The following RADIL variants were observed in gnomAD, a reference collection of about 807,000 sequenced individuals.
RADIL encodes ras-associating and dilute domain-containing protein.
Under a neutral mutation model 97.6 loss-of-function variants are expected in RADIL, and 99 were observed. The observed-to-expected ratio is 1.01, with a 90% CI of 0.86 to 1.20. RADIL has a LOEUF of 1.20. Among genes scored for constraint, RADIL ranks in the 50% most tolerant of loss-of-function variants. RADIL has a pLI of 0.00. For synonymous variants in RADIL, 803 were observed against 691.8 expected, an observed-to-expected ratio of 1.16 and a Z score of -2.52; for missense variants, 1,765 against 1,498.9, an observed-to-expected ratio of 1.18 and a Z score of -2.93.
intron 12 of RADIL, among the ~76,000 whole-genome samples, chr7:4,801,054 A>G (rs1334485727): frequency 2.0e-5 from 3 of 152,164 alleles, no homozygotes; most frequent in East Asian, 1.9e-4. Flanking sequence ...CCATGCACAC[A>G]TGTGCAAGCA....
chr7:4,840,853 G>T lies in RADIL; in HGVS notation c.536-4248C>A, dbSNP rs552034451. On this transcript the variant is annotated intron_variant, in intron 2 of 14. Transcript: ENST00000399583. This position sits in a 1 kb window ranked among gnomAD's most constrained non-coding sequence, Gnocchi z 5.6. ...GTGGAGGTGGGCGCCTGTAGTCCCG[G>T]CTACTCGAGAGGCTGAGGCAGGAGA... is the stretch of plus-strand genomic sequence containing the variant. 6.6e-6 allele frequency among the ~76,000 whole-genome samples: 1 copy of T among 152,246 alleles called. No homozygotes were observed. The highest frequency in any genetic ancestry group is 1.9e-4 in the East Asian group (1 of 5,174).
chr7:4,850,514 T>G (rs1009823431), intron 2 of RADIL, among the ~76,000 whole-genome samples: 1 of 152,010 alleles, frequency 6.6e-6, no homozygotes, highest in Non-Finnish European at 1.5e-5. Flanking sequence ...AAGCCCAGAG[T>G]TCTCTCCAGC....
rs56177809 is a variant in RADIL at position 4,847,739 on chromosome 7, C to CAAAAAAAAAAAA, written c.536-11146_536-11135dup. 2.5e-3 allele frequency among the ~76,000 whole-genome samples: 60 copies of CAAAAAAAAAAAA among 23,806 alleles called. 13 individuals are homozygous for CAAAAAAAAAAAA. Among genetic ancestry groups the CAAAAAAAAAAAA allele is most frequent in the Non-Finnish European group, 2.9e-3 (39 of 13,608 alleles). The allele number at this position is 23,806 out of a possible 152,430, so 15.6% of individuals were successfully genotyped here. ...TATGCTACGTGAAAAAAGCTAGATG[C>CAAAAAAAAAAAA]AAAAAAAAAAAAAAAAAAAAAAAAA... On this transcript the variant is annotated intron_variant, in intron 2 of 14. Transcript: ENST00000399583.
chr7:4,825,014 G>A (rs908992909), intron 5 of RADIL, among the ~76,000 whole-genome samples: 2 of 152,182 alleles, frequency 1.3e-5, no homozygotes, highest in Non-Finnish European at 2.9e-5. Context: ...TGTGAGTGGG[G>A]GCCCAGGGAA....
rs1342745849 is a variant in RADIL at position 4,873,902 on chromosome 7, T to G, written c.535+3703A>C. On this transcript the variant is annotated intron_variant, in intron 2 of 14. Coordinates refer to ENST00000399583, the MANE Select transcript of RADIL (RefSeq NM_018059.5). The surrounding 1 kb of genome is among the most constrained non-coding windows in gnomAD (Gnocchi z 4.3). ...GAGGCAGGCTGGCGCCCACGGCTGCTGGAGAAGCTGCTACAGTGAAAAACC... is the reference window on the plus strand; with the variant it reads ...GAGGCAGGCTGGCGCCCACGGCTGCGGGAGAAGCTGCTACAGTGAAAAACC... Among the ~76,000 whole-genome samples the G allele has an allele frequency of 1.3e-5, 2 of 152,222 alleles. No homozygotes were observed. Among genetic ancestry groups the G allele is most frequent in the African/African-American group, 4.8e-5 (2 of 41,466 alleles).
At chr7:4,816,870 G>A (rs1020551854) in intron 7 of RADIL, among the ~76,000 whole-genome samples, 15 of 152,110 alleles carry the variant, frequency 9.9e-5, no homozygotes, top group Admixed American at 6.5e-4. Flanking sequence ...CAGGGGGACC[G>A]GCGGCAGCAC....
In RADIL at chr7:4,840,799, T is replaced by C. The variant is rs1003155976; in HGVS notation, c.536-4194A>G. ...CTGGCCAACATGGTGAAACCCCGTC[T>C]GTACTAAAAATACAAAACTTAGCTG... On this transcript the variant is annotated intron_variant, in intron 2 of 14. Transcript: ENST00000399583. This position sits in a 1 kb window ranked among gnomAD's most constrained non-coding sequence, Gnocchi z 5.6. Among the ~76,000 whole-genome samples, 7 of 152,174 alleles carry C rather than the reference T, an allele frequency of 4.6e-5. No homozygotes were observed. The highest frequency in any genetic ancestry group is 1.3e-4 in the Admixed American group (2 of 15,270).
rs1011622099 is a variant in RADIL, at chr7:4,842,365, T to A, written c.536-5760A>T. On this transcript the variant is annotated intron_variant, in intron 2 of 14. Coordinates refer to ENST00000399583, the MANE Select transcript of RADIL (RefSeq NM_018059.5). This position sits in a 1 kb window ranked among gnomAD's most constrained non-coding sequence, Gnocchi z 4.5. ...AGCCGAGCTGCTGAGCACATCCTCA[T>A]CTCCAAGGTGAGAAACTCACTCCTG... 6.6e-6 allele frequency among the ~76,000 whole-genome samples: 1 copy of A among 152,050 alleles called. No individual in the cohort carries two copies.
chr7:4,813,828 A>G lies in RADIL; in HGVS notation c.2139+1450T>C, dbSNP rs1414740867. ...CTCAGTGCTTGCCACAATGTCTATC[A>G]ACTGTTCTTCTGTTTTAGCCCCATC... On this transcript the variant is annotated intron_variant, in intron 9 of 14. Transcript: ENST00000399583. The surrounding 1 kb of genome is among the most constrained non-coding windows in gnomAD (Gnocchi z 5.0). Among the ~76,000 whole-genome samples, 1 of 152,182 alleles carries G rather than the reference A, an allele frequency of 6.6e-6. No individual in the cohort carries two copies. Among genetic ancestry groups the G allele is most frequent in the Non-Finnish European group, 1.5e-5 (1 of 68,046 alleles).
Position 4,801,786 on chromosome 7 carries a change from G to A in RADIL, c.2709C>T (p.Leu903=). Reference sequence around the variant, plus strand: ...GGCCAAGTGGAGTGCTGGGAGGCGTGAGCAAGCAGGACGAGTCCGTGTGCG... The same window carrying A: ...GGCCAAGTGGAGTGCTGGGAGGCGTAAGCAAGCAGGACGAGTCCGTGTGCG... ...GPPHTDSSCL[L]TPPSTPLGPE... Residue 903 remains leucine, a synonymous_variant, in exon 12 of 15, where the codon CTC becomes CTT. Transcript: ENST00000399583. The A allele has an allele frequency of 1.2e-6, 2 of 1,610,196 alleles. No individual in the cohort carries two copies. Among genetic ancestry groups the A allele is most frequent in the Non-Finnish European group, 1.7e-6 (2 of 1,178,986 alleles).
rs1450734134 is a variant in RADIL at position 4,816,354 on chromosome 7, A to T, written c.1840T>A (p.Ser614Thr). 2 of 1,611,946 alleles carry T rather than the reference A, an allele frequency of 1.2e-6. No homozygotes were observed. The highest frequency in any genetic ancestry group is 2.2e-5 in the South Asian group (2 of 90,938). The stretch of plus-strand genomic sequence containing the variant: ...AGGTCCAGGGCTGCCTGGTACACAG[A>T]CACCACGCGGCGCAGCTCCTCGGGC... ...ELPEELRRVV[S>T]VYQAALDLLR... Residue 614 changes from serine to threonine, a missense_variant, in exon 8 of 15, where the codon TCT (serine) becomes ACT (threonine). By Grantham distance (58) the Ser-to-Thr change is moderately conservative (BLOSUM62 1). Transcript: ENST00000399583.
In RADIL at chr7:4,874,895, T is replaced by C. The variant is rs370874856; in HGVS notation, c.535+2710A>G. ...CAACATGGTGAAACCCCATCTCTAC[T>C]AAAAATACAAAAATTGGCCGGGCGC... On this transcript the variant is annotated intron_variant, in intron 2 of 14. Transcript: ENST00000399583. 5.3e-5 allele frequency among the ~76,000 whole-genome samples: 8 copies of C among 151,388 alleles called. No homozygotes were observed. The East Asian group carries it at 1.2e-3, about 22-fold the overall frequency.
rs935965030 is a variant in RADIL, at chr7:4,880,326, G to A, written c.-64-2123C>T. On this transcript the variant is annotated intron_variant, in intron 1 of 14. Coordinates refer to ENST00000399583, the MANE Select transcript of RADIL (RefSeq NM_018059.5). This position sits in a 1 kb window ranked among gnomAD's most constrained non-coding sequence, Gnocchi z 4.5. ...CAGCTTCCCCCACGGACTCATCAAA[G>A]GCCTCGGTTTCATTTACAACAAAAG... is the stretch of plus-strand genomic sequence containing the variant. 1.3e-5 allele frequency among the ~76,000 whole-genome samples: 2 copies of A among 152,140 alleles called. No individual in the cohort carries two copies. The highest frequency in any genetic ancestry group is 2.9e-5 in the Non-Finnish European group (2 of 68,026).
rs200103573 is a variant in RADIL at position 4,798,978 on chromosome 7, TC to T, written c.*399del. The T allele has an allele frequency of 0.019, 4,055 of 216,828 alleles. 50 individuals carry two copies. The highest frequency in any genetic ancestry group is 0.028 in the Non-Finnish European group (2,916 of 105,706). 13.4% of individuals were successfully genotyped at this position (216,828 alleles called of 1,614,324 possible). On this transcript the variant is annotated 3_prime_UTR_variant, in exon 15 of 15. Coordinates refer to ENST00000399583, the MANE Select transcript of RADIL (RefSeq NM_018059.5). The stretch of plus-strand genomic sequence containing the variant: ...GGGCAGGGAGAGTCAGTTCAGATGA[TC>T]CCCTGATGACAGCTGTCACTGCATT...
chr7:4,878,286 G>A lies in RADIL; in HGVS notation c.-64-83C>T, dbSNP rs569916579. On this transcript the variant is annotated intron_variant, in intron 1 of 14. Coordinates refer to ENST00000399583, the MANE Select transcript of RADIL (RefSeq NM_018059.5). This position sits in a 1 kb window ranked among gnomAD's most constrained non-coding sequence, Gnocchi z 4.1. ...AGGCCACAGGCGGTGACTCCTGCCC[G>A]TCATCCCAGCGCTTTAGAAGGCCAA... The A allele has an allele frequency of 8.9e-4, 802 of 900,064 alleles. 6 individuals are homozygous for A. In the Middle Eastern group the frequency reaches 0.011, roughly 13 times the overall value. 55.8% of individuals were successfully genotyped at this position (900,064 alleles called of 1,614,324 possible). A position where few individuals can be genotyped will look rare whatever the true frequency, so the allele number is the denominator to read the frequency against.
chr7:4,822,637 C>T lies in RADIL; in HGVS notation c.1455-83G>A, dbSNP rs943728303. 8.8e-6 allele frequency: 13 copies of T among 1,474,464 alleles called. No individual in the cohort carries two copies. Among genetic ancestry groups the T allele is most frequent in the South Asian group, 7.9e-5 (6 of 75,982 alleles). The allele number at this position is 1,474,464 out of a possible 1,614,324, so 91.3% of individuals were successfully genotyped here. A position where few individuals can be genotyped will look rare whatever the true frequency, so the allele number is the denominator to read the frequency against. Reference sequence around the variant, plus strand: ...CTACCACTCTTTCTACATAAGGATGCGCGTTTTCATGGGACGCTGACAACA... The same window carrying T: ...CTACCACTCTTTCTACATAAGGATGTGCGTTTTCATGGGACGCTGACAACA... On this transcript the variant is annotated intron_variant, in intron 5 of 14. Transcript: ENST00000399583. This position sits in a 1 kb window ranked among gnomAD's most constrained non-coding sequence, Gnocchi z 5.3.
chr7:4,833,449 C>T (rs983315459), intron 4 of RADIL, among the ~76,000 whole-genome samples: 3 of 152,066 alleles, frequency 2.0e-5, no homozygotes, highest in African/African-American at 4.8e-5. Flanking sequence ...GACACGGGCA[C>T]GCTGCAGTGG....
chr7:4,815,344 C>T lies in RADIL; in HGVS notation c.2073G>A (p.Glu691=), dbSNP rs1251278748. The part of the protein sequence containing the change: ...MRSAGFGAAG[E]HFFQKLSCTL... ...TGCAGGAGAGCTTCTGGAAGAAGTG[C>T]TCTCCAGCCGCCCCGAAGCCGGCGC... The change falls in exon 9 of 15, where the codon GAG becomes GAA. Residue 691 remains glutamate (E), a synonymous_variant. Coordinates refer to ENST00000399583, the MANE Select transcript of RADIL (RefSeq NM_018059.5). The surrounding 1 kb of genome is among the most constrained non-coding windows in gnomAD (Gnocchi z 8.0). 4 of 1,556,902 alleles carry T rather than the reference C, an allele frequency of 2.6e-6. No individual in the cohort carries two copies. The African/African-American group carries it at 4.1e-5, about 16-fold the overall frequency.
Position 4,854,420 on chromosome 7 carries a change from G to A in RADIL, c.536-17815C>T, listed in dbSNP as rs551032711. Among the ~76,000 whole-genome samples the A allele has an allele frequency of 7.0e-4, 106 of 152,286 alleles. No individual in the cohort carries two copies. The highest frequency in any genetic ancestry group is 1.3e-3 in the Non-Finnish European group (88 of 68,040). On this transcript the variant is annotated intron_variant, in intron 2 of 14. Transcript: ENST00000399583. The surrounding 1 kb of genome is among the most constrained non-coding windows in gnomAD (Gnocchi z 5.1). ...AAGAGGTTACCACTTTGGGCCGGGC[G>A]CGGTGGCTCACGCCTGTAATCCCAG...
Sources: allele counts gnomAD v4.1 joint callset (sites outside exome capture counted in the v4.1 genomes callset), GRCh38; gene constraint gnomAD v4.1.1; non-coding constraint Gnocchi (gnomAD v3.1); transcripts MANE v1.5; gene names NCBI Gene and HGNC (gene_info 2026-07-23, HGNC 2026-07-21).